Variants in SNX27 observed in about 807,000 individuals in gnomAD.
SNX27 encodes sorting nexin 27.
SNX27 carries 22 observed loss-of-function variants against 71.6 expected under a neutral mutation model. The ratio of observed to expected loss-of-function variants is 0.31; its 90% CI spans 0.22 to 0.44. The LOEUF is 0.44. SNX27 is among the 20% of genes least tolerant of loss of function. The probability of loss-of-function intolerance (pLI) is 1.00; values close to 1 mark genes in which losing one functional copy is unlikely to be tolerated. For synonymous variants in SNX27, 269 were observed against 277.2 expected, an observed-to-expected ratio of 0.97 and a Z score of 0.29; for missense variants, 531 against 698.6, an observed-to-expected ratio of 0.76 and a Z score of 2.70.
At chr1:151,618,950 C>CT (rs1225004466) in intron 1 of SNX27, among the ~76,000 whole-genome samples, 1 of 151,436 alleles carries the variant, frequency 6.6e-6, no homozygotes, top group Non-Finnish European at 1.5e-5. Context: ...TTTAAAATAT[C>CT]TTTTAAAAAA....
At chr1:151,625,141 CA>C (rs1290393397) in intron 1 of SNX27, among the ~76,000 whole-genome samples, 1 of 152,180 alleles carries the variant, frequency 6.6e-6, no homozygotes, top group Non-Finnish European at 1.5e-5. Flanking sequence ...TCAGCTTTGC[CA>C]GGGGCAAACT....
intron 2 of SNX27, 147 bp downstream of exon 2, chr1:151,639,266 C>T: frequency 1.5e-6 from 1 of 649,346 alleles, no homozygotes; most frequent in Non-Finnish European, 2.6e-6. Context: ...AAATAAAAGA[C>T]ACTGACCCTG....
rs192537459 is a variant in SNX27 at position 151,628,092 on chromosome 1, C to T, written c.312-10796C>T. Among the ~76,000 whole-genome samples the T allele has an allele frequency of 3.1e-3, 467 of 150,478 alleles. 14 individuals are homozygous for T. Among genetic ancestry groups the T allele is most frequent in the Non-Finnish European group, 4.9e-4 (33 of 67,752 alleles). ...TGCAATCTTGGCTCACTGCAACCTA[C>T]ACCTCCTGGGTTCAAGCGATTCTCC... On this transcript the variant is annotated intron_variant, in intron 1 of 11. Transcript: ENST00000458013.
chr1:151,643,306 T>TTATTTATTTATG (rs1332577552), intron 2 of SNX27, among the ~76,000 whole-genome samples: 2 of 121,470 alleles, frequency 1.6e-5, no homozygotes, highest in African/African-American at 2.8e-5. Context: ...ATTTATTTAT[T>TTATTTATTTATG]TATTTTGAGA....
rs551156038 is a variant in SNX27, at chr1:151,690,940, C to T, written c.1240-1495C>T. ...GATTCAAGCCCAGGGTAGTCTGGGC[C>T]TCTTCCTCACTCCTCTGTGTTTCAG... On this transcript the variant is annotated intron_variant, in intron 8 of 11. Coordinates refer to ENST00000458013, the MANE Select transcript of SNX27 (RefSeq NM_001330723.2). Among the ~76,000 whole-genome samples the T allele has an allele frequency of 2.0e-5, 3 of 152,300 alleles. No individual in the cohort carries two copies. In the East Asian group the frequency reaches 5.8e-4, roughly 29 times the overall value.
rs971556209 is a variant in SNX27, at chr1:151,696,601, A to G, written c.*2184A>G. 1 of 144,962 alleles carries G rather than the reference A, an allele frequency of 6.9e-6. No individual in the cohort carries two copies. The highest frequency in any genetic ancestry group is 1.5e-5 in the Non-Finnish European group (1 of 66,760). 9.0% of individuals were successfully genotyped at this position (144,962 alleles called of 1,614,324 possible). A position where few individuals can be genotyped will look rare whatever the true frequency, so the allele number is the denominator to read the frequency against. On this transcript the variant is annotated 3_prime_UTR_variant, in exon 12 of 12. Transcript: ENST00000458013. The stretch of plus-strand genomic sequence containing the variant: ...CTCTTTTTTGTAATTTGTTGTTGCA[A>G]ATCATTGTGAGGCCACTTTTCTTTC...
intron 1 of SNX27, among the ~76,000 whole-genome samples, chr1:151,632,471 T>G (rs1668285444): frequency 6.6e-6 from 1 of 152,160 alleles, no homozygotes; most frequent in African/African-American, 2.4e-5. Flanking sequence ...GCTGAGGTTT[T>G]TAACTATACT....
intron 8 of SNX27, among the ~76,000 whole-genome samples, chr1:151,687,945 CAAAA>C (rs10580377): frequency 9.0e-6 from 1 of 111,456 alleles, no homozygotes; most frequent in Admixed American, 8.9e-5. Flanking sequence ...GAGTCTGTCT[CAAAA>C]AAAAAAAAAA....
chr1:151,614,573 C>G (rs952903725), intron 1 of SNX27: 1 of 152,138 alleles, frequency 6.6e-6, no homozygotes, highest in Non-Finnish European at 1.5e-5. Flanking sequence ...CCGCCCGCCT[C>G]GGCCTCCCAA....
chr1:151,691,878 C>CA (rs1007631986), intron 8 of SNX27, among the ~76,000 whole-genome samples: 2 of 150,540 alleles, frequency 1.3e-5, no homozygotes, highest in African/African-American at 4.9e-5. Context: ...TTACTTATGG[C>CA]AAAAAAAAGT....
rs1409657725 is a variant in SNX27 at position 151,652,224 on chromosome 1, G to GGGAGAA, written c.544-6006_544-6005insAGGAGA. Among the ~76,000 whole-genome samples, 3 of 116,584 alleles carry GGGAGAA rather than the reference G, an allele frequency of 2.6e-5. 1 individual carries two copies. The highest frequency in any genetic ancestry group is 1.1e-4 in the African/African-American group (3 of 28,364). The allele number at this position is 116,584 out of a possible 152,430, so 76.5% of individuals were successfully genotyped here. A position where few individuals can be genotyped will look rare whatever the true frequency, so the allele number is the denominator to read the frequency against. ...GACCGTGGGGAGAGGGAGAGGGAGA[G>GGGAGAA]GGAGAGGGAGAGGGAGAGGGAGACG... On this transcript the variant is annotated intron_variant, in intron 2 of 11. Transcript: ENST00000458013.
At chr1:151,615,698 A>G in intron 1 of SNX27, 11 of 983,884 alleles carry the variant, frequency 1.1e-5, no homozygotes, top group Non-Finnish European at 1.3e-5. Context: ...ATGGACCTTG[A>G]TAATTGCTAT....
intron 1 of SNX27, chr1:151,613,452 C>G (rs951956600): frequency 1.3e-5 from 2 of 152,526 alleles, no homozygotes; most frequent in Admixed American, 1.3e-4. Context: ...GGGTCTTTGA[C>G]CGCTTTGCTT....
At chr1:151,636,371 G>A (rs1668455729) in intron 1 of SNX27, among the ~76,000 whole-genome samples, 1 of 152,040 alleles carries the variant, frequency 6.6e-6, no homozygotes, top group Non-Finnish European at 1.5e-5. Context: ...GCATGATCTA[G>A]CTCACTGCAG....
chr1:151,644,219 T>C (rs989415842), intron 2 of SNX27, among the ~76,000 whole-genome samples: 4 of 152,224 alleles, frequency 2.6e-5, no homozygotes, highest in Non-Finnish European at 4.4e-5. Flanking sequence ...GTTAGCACTT[T>C]TGAAGCATAA....
Position 151,694,350 on chromosome 1 carries a change from C to T in SNX27, c.1579-20C>T. 4.2e-6 allele frequency: 5 copies of T among 1,193,374 alleles called. No homozygotes were observed. Among genetic ancestry groups the T allele is most frequent in the Non-Finnish European group, 5.7e-6 (5 of 878,044 alleles). The allele number at this position is 1,193,374 out of a possible 1,614,324, so 73.9% of individuals were successfully genotyped here. ...GAGGAGATGTGCCTTCCCAATAACTCTTTTTTTTTTTCCTTTCAGAACATT... is the reference window on the plus strand; with the variant it reads ...GAGGAGATGTGCCTTCCCAATAACTTTTTTTTTTTTTCCTTTCAGAACATT... On this transcript the variant is annotated intron_variant, in intron 11 of 11. Coordinates refer to ENST00000458013, the MANE Select transcript of SNX27 (RefSeq NM_001330723.2).
chr1:151,669,607 G>C (rs767106063), intron 7 of SNX27, among the ~76,000 whole-genome samples: 10 of 152,290 alleles, frequency 6.6e-5, no homozygotes, highest in Admixed American at 1.3e-4. Flanking sequence ...TGCACAGCTG[G>C]CCTTCTGGGA....
intron 4 of SNX27, 83 bp downstream of exon 4, chr1:151,660,945 A>C (rs1669939747): frequency 2.0e-6 from 2 of 1,020,348 alleles, no homozygotes; most frequent in Non-Finnish European, 3.1e-6. Context: ...ATTATGCATT[A>C]AATTTCCATA....
intron 1 of SNX27, among the ~76,000 whole-genome samples, chr1:151,635,064 A>G (rs1405464402): frequency 6.6e-6 from 1 of 152,202 alleles, no homozygotes; most frequent in Non-Finnish European, 1.5e-5. Context: ...ATTTATTTTC[A>G]AATGAATTTC....
Sources: gnomAD v4.1 joint callset for allele counts (sites outside exome capture counted in the v4.1 genomes callset) on GRCh38, gnomAD v4.1.1 for gene constraint, MANE v1.5 for transcripts, NCBI Gene and HGNC (gene_info 2026-07-23, HGNC 2026-07-21) for gene names.